Variants in ATG7 observed in about 807,000 individuals in gnomAD.
ATG7 encodes ubiquitin-like modifier-activating enzyme ATG7.
Under a neutral mutation model 82.4 loss-of-function variants are expected in ATG7, and 70 were observed. That is an observed-to-expected ratio of 0.85 (90% confidence interval 0.70 to 1.04). ATG7 has a LOEUF of 1.04. ATG7 is among the 50% of genes least tolerant of loss of function. ATG7 has a pLI of 0.00. For missense variants in ATG7, 792 were observed against 864.3 expected (o/e 0.92, Z 1.05); for synonymous variants, 287 against 313.0 (o/e 0.92, Z 0.88).
At chr3:11,403,932 G>A (rs1215286188) in intron 19 of ATG7, among the ~76,000 whole-genome samples, 1 of 152,012 alleles carries the variant, frequency 6.6e-6, no homozygotes, top group Non-Finnish European at 1.5e-5. Context: ...AGTTTTGGCT[G>A]TTACTGCTCT....
At chr3:11,494,790 C>T (rs1486130465) in intron 20 of ATG7, among the ~76,000 whole-genome samples, 2 of 152,132 alleles carry the variant, frequency 1.3e-5, no homozygotes, top group African/African-American at 4.8e-5. Flanking sequence ...AAGGCTTGAA[C>T]AGGCCAGGCA....
intron 20 of ATG7, chr3:11,510,379 GT>G: frequency 5.3e-6 from 2 of 378,430 alleles, no homozygotes; most frequent in Non-Finnish European, 1.1e-5. Context: ...CCCTGCCCCA[GT>G]TTAAAAAAAA....
At chr3:11,547,150 T>C (rs1345504206) in intron 20 of ATG7, among the ~76,000 whole-genome samples, 1 of 152,186 alleles carries the variant, frequency 6.6e-6, no homozygotes, top group African/African-American at 2.4e-5. Flanking sequence ...CTTAATCGTC[T>C]TTAGAGGGAA....
intron 20 of ATG7, chr3:11,488,429 GGGC>G: frequency 8.1e-7 from 1 of 1,237,060 alleles, no homozygotes; most frequent in Non-Finnish European, 1.1e-6. Flanking sequence ...CCCGGCGGTC[GGGC>G]AGCGGCGGCT....
intron 19 of ATG7, among the ~76,000 whole-genome samples, chr3:11,395,539 A>ACAGTTGACTT (rs1479714708): frequency 6.6e-6 from 1 of 152,240 alleles, no homozygotes; most frequent in African/African-American, 2.4e-5. Context: ...GGTCAGGCTT[A>ACAGTTGACTT]CAGTTGACTT....
chr3:11,350,239 C>T (rs1392318775), intron 14 of ATG7, among the ~76,000 whole-genome samples: 1 of 152,156 alleles, frequency 6.6e-6, no homozygotes, highest in Non-Finnish European at 1.5e-5. Flanking sequence ...ATTGACCACC[C>T]ACTGTGTAGC....
At chr3:11,360,882 T>C (rs1224040955) in intron 16 of ATG7, 98 bp downstream of exon 16, 1 of 1,288,870 alleles carries the variant, frequency 7.8e-7, no homozygotes, top group Admixed American at 2.2e-5. Context: ...ATTTAAATAT[T>C]ATCTTTTAAC....
intron 20 of ATG7, among the ~76,000 whole-genome samples, chr3:11,447,761 T>C (rs2084716865): frequency 6.6e-6 from 1 of 152,172 alleles, no homozygotes; most frequent in African/African-American, 2.4e-5. Flanking sequence ...CTGGGTCACA[T>C]GCCATCTCTG....
At position 11,366,993 on chromosome 3, in the gene ATG7, G is replaced by GTGTGTGTA. The variant is rs1293783583; in HGVS notation, c.1875+2266_1875+2267insATGTGTGT. ...AAGCTGTGTGTGTGTGTGTGTGTGT[G>GTGTGTGTA]TGTGTGTGTGTGTGTGTGTGTTTAC... On this transcript the variant is annotated intron_variant, in intron 18 of 20. Transcript: ENST00000693202. Among the ~76,000 whole-genome samples the GTGTGTGTA allele has an allele frequency of 2.6e-5, 4 of 151,542 alleles. No individual in the cohort carries two copies. The East Asian group carries it at 7.7e-4, about 29-fold the overall frequency.
chr3:11,440,907 C>T (rs571516372), intron 20 of ATG7, among the ~76,000 whole-genome samples: 12 of 151,916 alleles, frequency 7.9e-5, no homozygotes, highest in African/African-American at 2.9e-4. Context: ...TGGTCTCAAA[C>T]TCCTGACCTC....
intron 20 of ATG7, among the ~76,000 whole-genome samples, chr3:11,490,606 G>A (rs1418214291): frequency 6.6e-6 from 1 of 152,180 alleles, no homozygotes; most frequent in African/African-American, 2.4e-5. Context: ...GCAGTGGCTG[G>A]TACCGGTTGT....
chr3:11,447,675 C>G (rs1429415686), intron 20 of ATG7, among the ~76,000 whole-genome samples: 1 of 152,112 alleles, frequency 6.6e-6, no homozygotes, highest in Admixed American at 6.6e-5. Flanking sequence ...GTTCCAAAAT[C>G]TCATTCTTAC....
At chr3:11,535,187 GC>G (rs1315541643) in intron 20 of ATG7, among the ~76,000 whole-genome samples, 1 of 152,230 alleles carries the variant, frequency 6.6e-6, no homozygotes, top group Non-Finnish European at 1.5e-5. Flanking sequence ...GCCATGCCCT[GC>G]TGAGCCTTAG....
At chr3:11,504,128 A>G (rs2091543753) in intron 20 of ATG7, among the ~76,000 whole-genome samples, 1 of 152,240 alleles carries the variant, frequency 6.6e-6, no homozygotes, top group South Asian at 2.1e-4. Flanking sequence ...ATTTCAAAAC[A>G]GTGGGAACAA....
At chr3:11,347,823 G>C (rs140850243) in intron 13 of ATG7, 54 bp from the exon 14 acceptor site, 8 of 1,567,676 alleles carry the variant, frequency 5.1e-6, no homozygotes, top group Non-Finnish European at 7.0e-6. Context: ...TCAAGAGACA[G>C]CACCCTGTGA....
chr3:11,416,165 G>C (rs1012265118), intron 19 of ATG7, among the ~76,000 whole-genome samples: 2 of 152,182 alleles, frequency 1.3e-5, no homozygotes, highest in African/African-American at 4.8e-5. Flanking sequence ...TTGGTCTGTA[G>C]TTTTCTAGTA....
At chr3:11,338,635 C>T (rs1224168306) in intron 11 of ATG7, among the ~76,000 whole-genome samples, 1 of 152,150 alleles carries the variant, frequency 6.6e-6, no homozygotes, top group Non-Finnish European at 1.5e-5. Context: ...AGCAACATAG[C>T]AAGACCCTGT....
chr3:11,391,324 G>A (rs1255255092), intron 19 of ATG7, among the ~76,000 whole-genome samples: 1 of 152,098 alleles, frequency 6.6e-6, no homozygotes, highest in South Asian at 2.1e-4. Context: ...CCTAAATGAA[G>A]CTGAGGTTTA....
chr3:11,314,203 A>T (rs181719348), intron 8 of ATG7, among the ~76,000 whole-genome samples: 1 of 152,314 alleles, frequency 6.6e-6, no homozygotes, highest in East Asian at 1.9e-4. Context: ...TTCATTAGAG[A>T]TGGTTCCCAG....
Sources: gnomAD v4.1 joint callset for allele counts (sites outside exome capture counted in the v4.1 genomes callset) on GRCh38, gnomAD v4.1.1 for gene constraint, MANE v1.5 for transcripts, NCBI Gene and HGNC (gene_info 2026-07-23, HGNC 2026-07-21) for gene names.